Variants in HECW2 observed in about 807,000 individuals in gnomAD.
HECW2 encodes the protein E3 ubiquitin-protein ligase HECW2.
Under a neutral mutation model 175.2 loss-of-function variants are expected in HECW2, and 61 were observed. That is an observed-to-expected ratio of 0.35 (90% CI 0.28 to 0.43). The LOEUF is 0.43. HECW2 is among the 20% of genes least tolerant of loss of function. The pLI is 1.00. For missense variants in HECW2, 1,524 were observed against 2,000.5 expected, an observed-to-expected ratio of 0.76 and a Z score of 4.54; for synonymous variants, 671 against 731.0, an observed-to-expected ratio of 0.92 and a Z score of 1.32.
rs1422385976 is a variant in HECW2 at position 196,195,663 on chromosome 2, T to A, written c.*5614A>T. 1 of 152,206 alleles carries A rather than the reference T, an allele frequency of 6.6e-6. No homozygotes were observed. Among genetic ancestry groups the A allele is most frequent in the African/African-American group, 2.4e-5 (1 of 41,462 alleles). The allele number at this position is 152,206 out of a possible 1,614,324, so 9.4% of individuals were successfully genotyped here. A position where few individuals can be genotyped will look rare whatever the true frequency, so the allele number is the denominator to read the frequency against. Reference sequence around the variant, plus strand: ...AATCATGAAAATGTCTCAAATGCTATTCTAATGTCAAGGGATGTCCGCTAA... The same window carrying A: ...AATCATGAAAATGTCTCAAATGCTAATCTAATGTCAAGGGATGTCCGCTAA... On this transcript the variant is annotated 3_prime_UTR_variant, in exon 29 of 29. Transcript: ENST00000644978.
chr2:196,526,946 GC>G (rs1380297093), intron 1 of HECW2, among the ~76,000 whole-genome samples: 1 of 152,048 alleles, frequency 6.6e-6, no homozygotes, highest in Non-Finnish European at 1.5e-5. Flanking sequence ...TCTGTGCCCT[GC>G]CCCCAGAGGT....
rs564900303 is a variant in HECW2 at position 196,550,483 on chromosome 2, T to C, written c.-36+43025A>G. Among the ~76,000 whole-genome samples, 4 of 152,270 alleles carry C rather than the reference T, an allele frequency of 2.6e-5. No individual in the cohort carries two copies. The South Asian group carries it at 8.3e-4, about 32-fold the overall frequency. ...ATTGAAAATTCTTTAAGAAAATAGC[T>C]TTTCCTTTTAAAATTACTATTGCTT... is the stretch of plus-strand genomic sequence containing the variant. On this transcript the variant is annotated intron_variant, in intron 1 of 28. Coordinates refer to ENST00000644978, the MANE Select transcript of HECW2 (RefSeq NM_001348768.2).
intron 1 of HECW2, among the ~76,000 whole-genome samples, chr2:196,478,409 T>C (rs1341843560): frequency 6.6e-6 from 1 of 152,216 alleles, no homozygotes; most frequent in Non-Finnish European, 1.5e-5. Context: ...ACTTTTACTG[T>C]CCAGTGATAT....
At chr2:196,201,425 G>T in intron 28 of HECW2, 37 bp from the exon 29 acceptor site, 1 of 1,451,870 alleles carries the variant, frequency 6.9e-7, no homozygotes, top group Non-Finnish European at 9.7e-7. Flanking sequence ...TTTAGAACAG[G>T]CCGAGTGAAA....
rs533688317 is a variant in HECW2 at position 196,271,188 on chromosome 2, G to A, written c.3335+5C>T. ...ACTTGAACCAAATACCAATATTATT[G>A]TTACCTGAGTGAGTGATTCCTGGTA... On this transcript the variant is annotated splice_donor_5th_base_variant and intron_variant, in intron 17 of 28. Coordinates refer to ENST00000644978, the MANE Select transcript of HECW2 (RefSeq NM_001348768.2). 1 of 1,541,184 alleles carries A rather than the reference G, an allele frequency of 6.5e-7. No individual in the cohort carries two copies. Among genetic ancestry groups the A allele is most frequent in the East Asian group, 2.2e-5 (1 of 44,516 alleles).
intron 5 of HECW2, among the ~76,000 whole-genome samples, chr2:196,329,126 C>G (rs1692262041): frequency 6.6e-6 from 1 of 152,080 alleles, no homozygotes. Flanking sequence ...GAACATTTTA[C>G]TAATCAGAAA....
chr2:196,503,795 G>T (rs1687655898), intron 1 of HECW2, among the ~76,000 whole-genome samples: 1 of 152,134 alleles, frequency 6.6e-6, no homozygotes, highest in African/African-American at 2.4e-5. Context: ...AAACACAAAA[G>T]TTTCAAAAAT....
At chr2:196,227,366 G>T (rs1337117044) in intron 22 of HECW2, among the ~76,000 whole-genome samples, 1 of 152,192 alleles carries the variant, frequency 6.6e-6, no homozygotes, top group African/African-American at 2.4e-5. Context: ...ATTTAAAAAA[G>T]ATGTAAGGAC....
At chr2:196,591,786 A>G (rs1215403859) in intron 1 of HECW2, among the ~76,000 whole-genome samples, 1 of 152,204 alleles carries the variant, frequency 6.6e-6, no homozygotes, top group Non-Finnish European at 1.5e-5. Flanking sequence ...ATGACCAAAC[A>G]GATTAGCAAA....
Position 196,319,845 on chromosome 2 carries a change from C to G in HECW2, c.1045G>C (p.Gly349Arg). Residue 349 changes from glycine to arginine, a missense_variant, in exon 9 of 29, where the codon GGT (glycine) becomes CGT (arginine). This residue lies in a region of HECW2 where 604 missense variants were observed against 588.3 expected (regional missense o/e 1.03). Coordinates refer to ENST00000644978, the MANE Select transcript of HECW2 (RefSeq NM_001348768.2). ...ATGTCCTCGTCATCGGAAGGGCTAC[C>G]TAAGTCTCCATTCACAGAATTGACT... is the stretch of plus-strand genomic sequence containing the variant. The part of the protein sequence containing the change: ...LGVNSVNGDL[G>R]SPSDDEDMPG... The G allele has an allele frequency of 6.2e-7, 1 of 1,614,018 alleles. No homozygotes were observed. The highest frequency in any genetic ancestry group is 8.5e-7 in the Non-Finnish European group (1 of 1,179,912).
chr2:196,267,508 G>A (rs1689562191), intron 17 of HECW2, among the ~76,000 whole-genome samples: 1 of 151,660 alleles, frequency 6.6e-6, no homozygotes, highest in South Asian at 2.1e-4. Flanking sequence ...TTTCTAACAG[G>A]GGAAATAAAC....
chr2:196,227,489 G>C (rs1236075396), intron 22 of HECW2, among the ~76,000 whole-genome samples: 1 of 152,180 alleles, frequency 6.6e-6, no homozygotes, highest in Non-Finnish European at 1.5e-5. Context: ...GGCAACACCT[G>C]GTTACAAACT....
intron 5 of HECW2, among the ~76,000 whole-genome samples, chr2:196,327,388 A>G (rs1350547139): frequency 1.3e-5 from 2 of 152,194 alleles, no homozygotes; most frequent in African/African-American, 4.8e-5. Flanking sequence ...TGTCTTTTAC[A>G]TATGCTATTG....
chr2:196,418,424 G>A (rs956909257), intron 2 of HECW2, among the ~76,000 whole-genome samples: 4 of 152,250 alleles, frequency 2.6e-5, no homozygotes, highest in Middle Eastern at 3.4e-3. Context: ...CACCGTGCCC[G>A]GCCAGATGAT....
intron 4 of HECW2, among the ~76,000 whole-genome samples, chr2:196,332,789 C>T (rs1279259596): frequency 6.6e-6 from 1 of 152,124 alleles, no homozygotes; most frequent in Non-Finnish European, 1.5e-5. Flanking sequence ...AGTTTTGTAA[C>T]TTTCCGTTTT....
chr2:196,544,649 C>T (rs1242137358), intron 1 of HECW2, among the ~76,000 whole-genome samples: 1 of 152,194 alleles, frequency 6.6e-6, no homozygotes, highest in Non-Finnish European at 1.5e-5. Flanking sequence ...ACTTCGCAGA[C>T]AGCAAGTCAA....
At chr2:196,412,249 T>C (rs896301419) in intron 2 of HECW2, among the ~76,000 whole-genome samples, 1 of 152,198 alleles carries the variant, frequency 6.6e-6, no homozygotes, top group Non-Finnish European at 1.5e-5. Flanking sequence ...GCGACCAGTG[T>C]AGGAAAATCT....
At chr2:196,404,956 C>T (rs1694924799) in intron 2 of HECW2, among the ~76,000 whole-genome samples, 1 of 149,312 alleles carries the variant, frequency 6.7e-6, no homozygotes, top group African/African-American at 2.5e-5. Flanking sequence ...TCCCAAGTAG[C>T]TGGGACTACA....
At chr2:196,420,236 C>G (rs1032622190) in intron 2 of HECW2, among the ~76,000 whole-genome samples, 1 of 152,186 alleles carries the variant, frequency 6.6e-6, no homozygotes, top group Non-Finnish European at 1.5e-5. Flanking sequence ...CTGAGTTGCT[C>G]AATGCAGTTT....
Sources: gnomAD v4.1 joint callset for allele counts (sites outside exome capture counted in the v4.1 genomes callset) on GRCh38, gnomAD v4.1.1 for gene constraint, gnomAD v4.1.1 regional missense constraint, MANE v1.5 for transcripts, NCBI Gene and HGNC (gene_info 2026-07-23, HGNC 2026-07-21) for gene names.